Variants in C2CD5 observed in about 807,000 individuals in gnomAD.
The protein encoded by C2CD5 is C2 calcium dependent domain containing 5, also known as C2 domain-containing protein 5.
In C2CD5, 109 loss-of-function variants were observed where a neutral mutation model predicts 130.3. That is an observed-to-expected ratio of 0.84 (90% CI 0.72 to 0.98). C2CD5 has a LOEUF of 0.98. Ranked by LOEUF, C2CD5 falls within the 50% of genes least tolerant of loss-of-function variation. The pLI, the probability that C2CD5 is intolerant of heterozygous loss-of-function variation, is 0.00. For synonymous variants in C2CD5, 454 were observed against 429.2 expected, an observed-to-expected ratio of 1.06 and a Z score of -0.71; for missense variants, 996 against 1,261.8, an observed-to-expected ratio of 0.79 and a Z score of 3.19.
At chr12:22,524,654 G>A in intron 5 of C2CD5, 27 bp from the exon 6 acceptor site, 1 of 1,580,410 alleles carries the variant, frequency 6.3e-7, no homozygotes, top group African/African-American at 1.4e-5. Context: ...TTATGCTTCT[G>A]TTTATCAAAA....
chr12:22,499,468 G>C (rs1337628830), intron 10 of C2CD5, among the ~76,000 whole-genome samples: 1 of 152,110 alleles, frequency 6.6e-6, no homozygotes, highest in Non-Finnish European at 1.5e-5. Context: ...GATCTGTTTT[G>C]AGGATTAAAT....
chr12:22,487,039 T>C (rs112499281), intron 12 of C2CD5, among the ~76,000 whole-genome samples: 5 of 152,254 alleles, frequency 3.3e-5, no homozygotes, highest in Admixed American at 2.0e-4. Flanking sequence ...CCTTACACCT[T>C]ATACAAAAAT....
At chr12:22,528,255 A>G (rs1001487278) in intron 3 of C2CD5, among the ~76,000 whole-genome samples, 2 of 152,224 alleles carry the variant, frequency 1.3e-5, no homozygotes, top group East Asian at 3.8e-4. Flanking sequence ...CTATAGAGAG[A>G]AGAATGCTAA....
intron 10 of C2CD5, among the ~76,000 whole-genome samples, chr12:22,496,308 T>C (rs893891903): frequency 3.3e-5 from 5 of 152,088 alleles, no homozygotes; most frequent in Non-Finnish European, 7.4e-5. Flanking sequence ...AACTACAGTC[T>C]TATAGGAATG....
chr12:22,461,187 G>GA (rs1941073878), intron 22 of C2CD5, among the ~76,000 whole-genome samples: 1 of 152,162 alleles, frequency 6.6e-6, no homozygotes, highest in Admixed American at 6.5e-5. Context: ...TGGAGAGACT[G>GA]GGACACCAAC....
chr12:22,525,964 T>G (rs919764609), intron 4 of C2CD5, among the ~76,000 whole-genome samples: 3 of 152,192 alleles, frequency 2.0e-5, no homozygotes, highest in Non-Finnish European at 2.9e-5. Flanking sequence ...CTAATATAAG[T>G]GTTCGGTGCA....
Position 22,493,257 on chromosome 12 carries a change from C to T in C2CD5, c.1228G>A (p.Ala410Thr). 1 of 1,609,806 alleles carries T rather than the reference C, an allele frequency of 6.2e-7. No homozygotes were observed. Among genetic ancestry groups the T allele is most frequent in the Non-Finnish European group, 8.5e-7 (1 of 1,176,762 alleles). The change falls in exon 11 of 27, where the codon GCT becomes ACT. Residue 410 changes from alanine (A) to threonine (T), a missense_variant. By Grantham distance (58) the Ala-to-Thr change is moderately conservative. Coordinates refer to ENST00000446597, the MANE Select transcript of C2CD5 (RefSeq NM_001286176.2). ...KSHAKALGCH[A>T]VVGYSESTSI... The stretch of plus-strand genomic sequence containing the variant: ...GTTGATTCACTGTAGCCCACTACAG[C>T]ATGACAGCCTAATGCTTTAGCATGT...
rs1222389560 is a variant in C2CD5 at position 22,478,449 on chromosome 12, A to G, written c.1766T>C (p.Leu589Ser). 3.7e-6 allele frequency: 6 copies of G among 1,613,678 alleles called. No homozygotes were observed. Among genetic ancestry groups the G allele is most frequent in the African/African-American group, 1.3e-5 (1 of 74,940 alleles). Residue 589 changes from leucine (L) to serine (S), a missense_variant, in exon 15 of 27, where the codon TTA (leucine) becomes TCA (serine). Physicochemically the swap from Leu to Ser is moderately radical, Grantham distance 145. Coordinates refer to ENST00000446597, the MANE Select transcript of C2CD5 (RefSeq NM_001286176.2). ...ASATGVYLAALPTPGGIQIAG... is the reference protein window; with the variant it reads ...ASATGVYLAASPTPGGIQIAG... Reference sequence around the variant, plus strand: ...AATCTGAATACCACCAGGAGTTGGTAAAGCTGCTAAATACACACCTGTGGC... The same window carrying G: ...AATCTGAATACCACCAGGAGTTGGTGAAGCTGCTAAATACACACCTGTGGC...
In C2CD5 at chr12:22,544,305, C is replaced by T. The variant is rs574294930; in HGVS notation, c.-30+15G>A. 7.2e-6 allele frequency: 4 copies of T among 556,118 alleles called. No individual in the cohort carries two copies. The highest frequency in any genetic ancestry group is 6.1e-5 in the African/African-American group (3 of 49,238). The allele number at this position is 556,118 out of a possible 1,614,324, so 34.4% of individuals were successfully genotyped here. A position where few individuals can be genotyped will look rare whatever the true frequency, so the allele number is the denominator to read the frequency against. ...GCGCGGGCGCCCGGCAGTCGCGCCA[C>T]GGGTCGCCACTCACTGTCGCAGGAG... On this transcript the variant is annotated intron_variant, in intron 1 of 26. Coordinates refer to ENST00000446597, the MANE Select transcript of C2CD5 (RefSeq NM_001286176.2).
chr12:22,518,424 T>C (rs1334681228), intron 7 of C2CD5, among the ~76,000 whole-genome samples: 1 of 152,148 alleles, frequency 6.6e-6, no homozygotes, highest in Non-Finnish European at 1.5e-5. Flanking sequence ...ATAAAAAGAA[T>C]ATATGACAAA....
chr12:22,465,163 A>T (rs1156353518), intron 22 of C2CD5, among the ~76,000 whole-genome samples: 2 of 152,140 alleles, frequency 1.3e-5, no homozygotes, highest in African/African-American at 4.8e-5. Flanking sequence ...TCAGCAGCTA[A>T]TGTAATGAAT....
intron 10 of C2CD5, among the ~76,000 whole-genome samples, chr12:22,504,746 T>G (rs1460900856): frequency 1.3e-5 from 2 of 152,228 alleles, no homozygotes; most frequent in South Asian, 2.1e-4. Flanking sequence ...TAACTAGCCT[T>G]GGGTCACAAG....
chr12:22,530,876 A>G (rs1951209689), intron 3 of C2CD5, among the ~76,000 whole-genome samples: 1 of 152,184 alleles, frequency 6.6e-6, no homozygotes, highest in African/African-American at 2.4e-5. Flanking sequence ...AAAAAATACC[A>G]GTTTATTACC....
intron 2 of C2CD5, among the ~76,000 whole-genome samples, chr12:22,536,143 C>CA (rs10645576): frequency 0.14 from 17,399 of 127,170 alleles, 1,672 homozygotes; most frequent in African/African-American, 0.3. Flanking sequence ...TTCTTCAGCA[C>CA]AAAAAAAAAA....
At chr12:22,517,531 AATAG>A (rs1468930769) in intron 8 of C2CD5, among the ~76,000 whole-genome samples, 6 of 152,108 alleles carry the variant, frequency 3.9e-5, no homozygotes, top group African/African-American at 1.2e-4. Flanking sequence ...CCAGTTAATA[AATAG>A]ATAGATGTAC....
At chr12:22,500,250 A>AG (rs1418737225) in intron 10 of C2CD5, among the ~76,000 whole-genome samples, 1 of 151,720 alleles carries the variant, frequency 6.6e-6, no homozygotes, top group Non-Finnish European at 1.5e-5. Flanking sequence ...AAAAGGAGAC[A>AG]GAAAAAAAAA....
intron 10 of C2CD5, among the ~76,000 whole-genome samples, chr12:22,498,227 T>G (rs536499331): frequency 3.3e-5 from 5 of 152,240 alleles, no homozygotes; most frequent in African/African-American, 7.2e-5. Flanking sequence ...TACACACATA[T>G]GCACACACCA....
intron 2 of C2CD5, 28 bp from the exon 3 acceptor site, chr12:22,535,372 T>A (rs1264250766): frequency 2.6e-6 from 3 of 1,171,576 alleles, no homozygotes; most frequent in Admixed American, 3.6e-5. Flanking sequence ...ATTATTCACA[T>A]ATGAATATCA....
At chr12:22,496,830 A>G (rs1947084170) in intron 10 of C2CD5, among the ~76,000 whole-genome samples, 1 of 151,982 alleles carries the variant, frequency 6.6e-6, no homozygotes, top group Non-Finnish European at 1.5e-5. Context: ...CACTAAATCA[A>G]TCCTCACTGA....
Sources: gnomAD v4.1 joint callset for allele counts (sites outside exome capture counted in the v4.1 genomes callset) on GRCh38, gnomAD v4.1.1 for gene constraint, MANE v1.5 for transcripts, NCBI Gene and HGNC (gene_info 2026-07-23, HGNC 2026-07-21) for gene names.